The following TNN variants were observed in gnomAD, a reference collection of about 807,000 sequenced individuals.
The protein encoded by TNN is tenascin N.
In TNN, 122 loss-of-function variants were observed where a neutral mutation model predicts 134.4. The ratio of observed to expected loss-of-function variants is 0.91; its 90% CI spans 0.78 to 1.06. The LOEUF is 1.06. Among genes scored for constraint, TNN ranks in the 50% least tolerant of loss-of-function variants. The probability of loss-of-function intolerance (pLI) is 0.00; values close to 1 mark genes in which losing one functional copy is unlikely to be tolerated. For synonymous variants in TNN, 710 were observed against 670.3 expected, an observed-to-expected ratio of 1.06 and a Z score of -0.91; for missense variants, 1,739 against 1,699.4, an observed-to-expected ratio of 1.02 and a Z score of -0.41.
intron 9 of TNN, among the ~76,000 whole-genome samples, chr1:175,107,424 C>A (rs1232682859): frequency 7.0e-6 from 1 of 143,874 alleles, no homozygotes; most frequent in Non-Finnish European, 1.5e-5. Context: ...AAGCTGCAGA[C>A]CTTCGTGGTG....
chr1:175,081,213 G>GAACAA (rs1337748362), intron 4 of TNN, among the ~76,000 whole-genome samples: 2 of 152,218 alleles, frequency 1.3e-5, no homozygotes, highest in African/African-American at 4.8e-5. Flanking sequence ...TGGAGAAACA[G>GAACAA]AATCTCCTGT....
rs199888967 is a variant in TNN at position 175,094,242 on chromosome 1, A to G, written c.1577A>G (p.Asn526Ser). The G allele has an allele frequency of 9.4e-6, 15 of 1,602,558 alleles. No individual in the cohort carries two copies. Among genetic ancestry groups the G allele is most frequent in the East Asian group, 4.5e-5 (2 of 44,520 alleles). The stretch of plus-strand genomic sequence containing the variant: ...CAGGGGAGCAAGAAAGCTGACACCA[A>G]TGCCCTCACAGGTAACAGAAGGACG... ...GNQGSKKADTNALTEIDSPAN... is the reference protein window; with the variant it reads ...GNQGSKKADTSALTEIDSPAN... The change falls in exon 7 of 19, where the codon AAT (asparagine) becomes AGT (serine). Residue 526 changes from asparagine to serine, a missense_variant. Physicochemically the swap from Asn to Ser is conservative, Grantham distance 46. Coordinates refer to ENST00000239462, the MANE Select transcript of TNN (RefSeq NM_022093.2).
intron 9 of TNN, among the ~76,000 whole-genome samples, chr1:175,108,590 C>T (rs573788442): frequency 3.3e-5 from 5 of 152,374 alleles, no homozygotes; most frequent in East Asian, 3.9e-4. Context: ...CTGCAGGTCT[C>T]GAGCCCTGCC....
chr1:175,116,964 G>C lies in TNN; in HGVS notation c.2145G>C (p.Val715=), dbSNP rs1289990750. The stretch of plus-strand genomic sequence containing the variant: ...ACATTGACAGCCCCCAAAACCTGGT[G>C]ACCGACCGGGTGACAGAGAATATGG... ...QTDIDSPQNL[V]TDRVTENMAT... is the part of the protein sequence containing the mutation. Residue 715 remains valine (V), a synonymous_variant, in exon 10 of 19, where the codon GTG becomes GTC. Coordinates refer to ENST00000239462, the MANE Select transcript of TNN (RefSeq NM_022093.2). 1.2e-6 allele frequency: 2 copies of C among 1,614,098 alleles called. No homozygotes were observed. The highest frequency in any genetic ancestry group is 1.1e-5 in the South Asian group (1 of 91,070).
Position 175,127,012 on chromosome 1 carries a change from T to C in TNN, c.2972T>C (p.Leu991Ser). 2.5e-6 allele frequency: 4 copies of C among 1,614,194 alleles called. No homozygotes were observed. Among genetic ancestry groups the C allele is most frequent in the Non-Finnish European group, 3.4e-6 (4 of 1,180,018 alleles). ...GCTGTAACGCAGTCTGGTGGCATAT[T>C]GACCTGGACGCCCCCCTCTGCTCAG... ...PSAVTQSGGI[L>S]TWTPPSAQIH... Residue 991 changes from leucine (L) to serine (S), a missense_variant, in exon 13 of 19, where the codon TTG becomes TCG. Leu to Ser is a moderately radical substitution (Grantham distance 145). Transcript: ENST00000239462.
intron 12 of TNN, among the ~76,000 whole-genome samples, chr1:175,126,705 T>C (rs1238260068): frequency 6.6e-6 from 1 of 152,112 alleles, no homozygotes; most frequent in Admixed American, 6.5e-5. Flanking sequence ...GCCTGGGAAA[T>C]GGGGGCCCAG....
At chr1:175,141,851 A>T (rs915867341) in intron 17 of TNN, among the ~76,000 whole-genome samples, 1 of 152,180 alleles carries the variant, frequency 6.6e-6, no homozygotes, top group Non-Finnish European at 1.5e-5. Context: ...CACTCTGAAC[A>T]TTAGGATGGC....
intron 1 of TNN, among the ~76,000 whole-genome samples, chr1:175,069,936 A>C (rs753442748): frequency 1.3e-4 from 20 of 152,234 alleles, no homozygotes; most frequent in Non-Finnish European, 2.8e-4. Context: ...GAAATTGCAG[A>C]GTTTTTTGTT....
At chr1:175,141,394 C>T (rs1675942170) in intron 17 of TNN, among the ~76,000 whole-genome samples, 1 of 152,042 alleles carries the variant, frequency 6.6e-6, no homozygotes, top group African/African-American at 2.4e-5. Context: ...GGATGGATCC[C>T]AACCTGGGGG....
chr1:175,080,946 G>A (rs1262530147), intron 4 of TNN, among the ~76,000 whole-genome samples: 1 of 152,228 alleles, frequency 6.6e-6, no homozygotes, highest in African/African-American at 2.4e-5. Context: ...TCTCCTGCCT[G>A]AAGGGGCAAG....
At chr1:175,107,029 G>A (rs559417852) in intron 9 of TNN, among the ~76,000 whole-genome samples, 4 of 146,324 alleles carry the variant, frequency 2.7e-5, no homozygotes, top group East Asian at 2.3e-4. Context: ...ACTGCTTGGC[G>A]ATTGGGAAAG....
chr1:175,079,364 C>T lies in TNN; in HGVS notation c.441C>T (p.Thr147=), dbSNP rs1462810037. ...DLSRHCSGHG[T]FSLETCSCHC... is the part of the protein sequence containing the mutation. The stretch of plus-strand genomic sequence containing the variant: ...GCCGCCACTGCAGCGGCCACGGGAC[C>T]TTCTCCCTGGAGACCTGCAGCTGCC... Residue 147 remains threonine (T), a synonymous_variant, in exon 3 of 19, where the codon ACC becomes ACT. Transcript: ENST00000239462. 5 of 1,598,652 alleles carry T rather than the reference C, an allele frequency of 3.1e-6. No individual in the cohort carries two copies. Among genetic ancestry groups the T allele is most frequent in the East Asian group, 2.2e-5 (1 of 44,612 alleles).
chr1:175,105,949 C>A (rs1674839944), intron 9 of TNN, among the ~76,000 whole-genome samples: 1 of 145,796 alleles, frequency 6.9e-6, no homozygotes, highest in Non-Finnish European at 1.5e-5. Flanking sequence ...TGCAACGGTC[C>A]CTGGACCCTG....
intron 9 of TNN, among the ~76,000 whole-genome samples, chr1:175,116,707 A>G (rs1468898787): frequency 2.0e-5 from 3 of 152,182 alleles, no homozygotes; most frequent in Non-Finnish European, 4.4e-5. Context: ...ACTAGAACCC[A>G]GTGCTTCTGA....
chr1:175,102,387 A>G (rs958378614), intron 9 of TNN, among the ~76,000 whole-genome samples: 3 of 145,828 alleles, frequency 2.1e-5, no homozygotes, highest in Non-Finnish European at 4.6e-5. Context: ...CTGCACAGGA[A>G]CCCACAGAGG....
chr1:175,070,717 C>G (rs1439486813), intron 1 of TNN, among the ~76,000 whole-genome samples: 1 of 152,164 alleles, frequency 6.6e-6, no homozygotes, highest in Non-Finnish European at 1.5e-5. Context: ...CTAGGAGAGA[C>G]AGACCTCCCT....
At chr1:175,117,359 A>G (rs957835911) in intron 10 of TNN, among the ~76,000 whole-genome samples, 154 bp downstream of exon 10, 8 of 152,142 alleles carry the variant, frequency 5.3e-5, no homozygotes, top group Non-Finnish European at 1.2e-4. Flanking sequence ...ACCATCCCTC[A>G]TTTTCCTTTA....
intron 10 of TNN, 139 bp downstream of exon 10, chr1:175,117,344 C>A: frequency 1.4e-6 from 2 of 1,392,748 alleles, no homozygotes; most frequent in Admixed American, 2.6e-5. Context: ...TAACAGATTG[C>A]ACACACCATC....
intron 11 of TNN, among the ~76,000 whole-genome samples, chr1:175,122,337 A>G (rs1379282591): frequency 1.3e-5 from 2 of 152,194 alleles, no homozygotes; most frequent in African/African-American, 4.8e-5. Context: ...GCAGTGACCT[A>G]TGATGGCACC....
Sources: allele counts gnomAD v4.1 joint callset (sites outside exome capture counted in the v4.1 genomes callset), GRCh38; gene constraint gnomAD v4.1.1; transcripts MANE v1.5; gene names NCBI Gene and HGNC (gene_info 2026-07-23, HGNC 2026-07-21).